The following GALNT9 variants were observed in gnomAD, a reference collection of about 807,000 sequenced individuals.
GALNT9 encodes GalNAc transferase 9.
A neutral mutation model predicts 63.1 loss-of-function variants in GALNT9; 47 were observed. That is an observed-to-expected ratio of 0.75 (90% CI 0.59 to 0.95). GALNT9 has a LOEUF of 0.95. Among genes scored for constraint, GALNT9 ranks in the 40% least tolerant of loss-of-function variants. The pLI is 0.00. For missense variants in GALNT9, 829 were observed against 874.8 expected, an observed-to-expected ratio of 0.95 and a Z score of 0.66; for synonymous variants, 396 against 365.7, an observed-to-expected ratio of 1.08 and a Z score of -0.94.
chr12:132,243,356 A>G (rs1238976966), intron 6 of GALNT9, among the ~76,000 whole-genome samples: 1 of 97,336 alleles, frequency 1.0e-5, no homozygotes, highest in African/African-American at 3.8e-5. Flanking sequence ...CAGGGCCCCC[A>G]GTGGCCTCAG....
chr12:132,319,659 G>A lies in GALNT9; in HGVS notation c.238+9307C>T, dbSNP rs987895228. Among the ~76,000 whole-genome samples, 1 of 152,106 alleles carries A rather than the reference G, an allele frequency of 6.6e-6. No homozygotes were observed. Among genetic ancestry groups the A allele is most frequent in the Non-Finnish European group, 1.5e-5 (1 of 68,008 alleles). On this transcript the variant is annotated intron_variant, in intron 1 of 10. Transcript: ENST00000328957. The surrounding 1 kb of genome is among the most constrained non-coding windows in gnomAD (Gnocchi z 5.2). The stretch of plus-strand genomic sequence containing the variant: ...ACTAGCTGAGTTTGCTTTTCAACAG[G>A]CCTTTCCGTCTGGGGCAGGTCAACA...
rs924949545 is a variant in GALNT9 at position 132,252,496 on chromosome 12, G to A, written c.960-4469C>T. Among the ~76,000 whole-genome samples, 1 of 152,222 alleles carries A rather than the reference G, an allele frequency of 6.6e-6. No homozygotes were observed. The highest frequency in any genetic ancestry group is 1.9e-4 in the East Asian group (1 of 5,198). On this transcript the variant is annotated intron_variant, in intron 5 of 10. Transcript: ENST00000328957. This position sits in a 1 kb window ranked among gnomAD's most constrained non-coding sequence, Gnocchi z 5.2. ...GGCTTAGCGGGTGTTCTCCCCGTGT[G>A]CAGAGACAAGAGATTGTCAGAAATA...
rs545111828 is a variant in GALNT9, at chr12:132,245,567, C to A, written c.1077+2343G>T. Among the ~76,000 whole-genome samples the A allele has an allele frequency of 6.0e-5, 9 of 150,662 alleles. No homozygotes were observed. The East Asian group carries it at 1.8e-3, about 29-fold the overall frequency. ...CCTGCTGACCCTCGCCCAGCCAGGG[C>A]CCTCCGTGGTCCGGCACCCACACCC... On this transcript the variant is annotated intron_variant, in intron 6 of 10. Coordinates refer to ENST00000328957, the MANE Select transcript of GALNT9 (RefSeq NM_001122636.2). This position sits in a 1 kb window ranked among gnomAD's most constrained non-coding sequence, Gnocchi z 6.3.
intron 1 of GALNT9, among the ~76,000 whole-genome samples, chr12:132,300,395 C>T (rs1881249607): frequency 7.5e-6 from 1 of 133,424 alleles, no homozygotes; most frequent in African/African-American, 2.8e-5. Context: ...AGATAACTCA[C>T]TCCCATAACT....
rs1170552577 is a variant in GALNT9 at position 132,236,693 on chromosome 12, G to GTT, written c.1077+11216_1077+11217insAA. Among the ~76,000 whole-genome samples, 4 of 152,196 alleles carry GTT rather than the reference G, an allele frequency of 2.6e-5. No homozygotes were observed. The East Asian group carries it at 5.8e-4, about 22-fold the overall frequency. ...CGAAGATCGCCCAGCCTCGCAAGGTGTAAGGTTTCGGGGCATCAAGCCTGG... is the reference window on the plus strand; with the variant it reads ...CGAAGATCGCCCAGCCTCGCAAGGTGTTTAAGGTTTCGGGGCATCAAGCCTGG... On this transcript the variant is annotated intron_variant, in intron 6 of 10. Coordinates refer to ENST00000328957, the MANE Select transcript of GALNT9 (RefSeq NM_001122636.2). The surrounding 1 kb of genome is among the most constrained non-coding windows in gnomAD (Gnocchi z 5.6).
At chr12:132,202,678 CGTTTCTAAGAT>C (rs1427104937) in intron 7 of GALNT9, among the ~76,000 whole-genome samples, 1 of 152,002 alleles carries the variant, frequency 6.6e-6, no homozygotes, top group Non-Finnish European at 1.5e-5. Flanking sequence ...CAGACAAGCC[CGTTTCTAAGAT>C]GAGCCCTCCC....
At chr12:132,290,596 G>A (rs1161148062) in intron 1 of GALNT9, among the ~76,000 whole-genome samples, 1 of 141,826 alleles carries the variant, frequency 7.1e-6, no homozygotes, top group Non-Finnish European at 1.5e-5. Context: ...CACATCCACA[G>A]CACCCACAAC....
In GALNT9 at chr12:132,240,869, G is replaced by A. The variant is rs2136899869; in HGVS notation, c.1077+7041C>T. On this transcript the variant is annotated intron_variant, in intron 6 of 10. Transcript: ENST00000328957. ...CACACCACACCCCCTTCCCAGGGCC[G>A]TCCCTATACCCATTACACACACACC... 15 of 263,560 alleles carry A rather than the reference G, an allele frequency of 5.7e-5. 1 individual carries two copies. In the East Asian group the frequency reaches 1.2e-3, roughly 21 times the overall value. The allele number at this position is 263,560 out of a possible 1,614,324, so 16.3% of individuals were successfully genotyped here.
intron 6 of GALNT9, among the ~76,000 whole-genome samples, chr12:132,213,050 AC>A (rs1877019905): frequency 7.6e-6 from 1 of 131,518 alleles, no homozygotes; most frequent in Non-Finnish European, 1.6e-5. Context: ...CGACACGGAA[AC>A]CCCACCCGGG....
At chr12:132,216,263 A>G (rs1176661730) in intron 6 of GALNT9, among the ~76,000 whole-genome samples, 1 of 152,230 alleles carries the variant, frequency 6.6e-6, no homozygotes, top group African/African-American at 2.4e-5. Context: ...AGATGAAGAC[A>G]CAGAGAAAGA....
chr12:132,243,195 CCCTTCCCGGGGCCCTCCCT>C (rs2135531614), intron 6 of GALNT9, among the ~76,000 whole-genome samples: 17 of 144,578 alleles, frequency 1.2e-4, no homozygotes, highest in Admixed American at 2.0e-4. Context: ...ACGCCACACA[CCCTTCCCGGGGCCCTCCCT>C]ATACCCATTA....
intron 6 of GALNT9, among the ~76,000 whole-genome samples, chr12:132,239,295 CAGAG>C (rs1198083285): frequency 1.5e-4 from 20 of 130,466 alleles, no homozygotes; most frequent in African/African-American, 4.7e-4. Context: ...CACAGAGAGA[CAGAG>C]AGAGACACAC....
At chr12:132,299,520 C>A (rs1178797783) in intron 1 of GALNT9, among the ~76,000 whole-genome samples, 1 of 136,918 alleles carries the variant, frequency 7.3e-6, no homozygotes, top group Non-Finnish European at 1.6e-5. Context: ...CTCACCCACT[C>A]CCACCACATC....
At chr12:132,222,484 C>T (rs1877487597) in intron 6 of GALNT9, among the ~76,000 whole-genome samples, 1 of 152,094 alleles carries the variant, frequency 6.6e-6, no homozygotes, top group Non-Finnish European at 1.5e-5. Context: ...AAAATGAAGC[C>T]AGACCAACAG....
chr12:132,207,590 C>G lies in GALNT9; in HGVS notation c.1078-3900G>C, dbSNP rs564060691. Among the ~76,000 whole-genome samples, 602 of 152,300 alleles carry G rather than the reference C, an allele frequency of 4.0e-3. 3 individuals are homozygous for G. The highest frequency in any genetic ancestry group is 0.014 in the African/African-American group (573 of 41,562). On this transcript the variant is annotated intron_variant, in intron 6 of 10. Coordinates refer to ENST00000328957, the MANE Select transcript of GALNT9 (RefSeq NM_001122636.2). ...TCAGGTCTCTCGGCCCTCGGGTCCC[C>G]CACCGTGTCTCTAGAAGGACCGAAG...
chr12:132,305,547 ACACCCTCACCGGGG>A (rs1555244557), intron 1 of GALNT9, among the ~76,000 whole-genome samples: 109 of 144,640 alleles, frequency 7.5e-4, no homozygotes, highest in African/African-American at 2.8e-3. Flanking sequence ...TCACCCGGGC[ACACCCTCACCGGGG>A]CACACCCTCA....
chr12:132,248,547 G>A (rs766714814), intron 5 of GALNT9, among the ~76,000 whole-genome samples: 16 of 152,216 alleles, frequency 1.1e-4, no homozygotes, highest in Non-Finnish European at 2.2e-4. Context: ...CCAAGTTCGA[G>A]TGAGTCACTT....
intron 6 of GALNT9, among the ~76,000 whole-genome samples, chr12:132,229,287 G>T (rs891333717): frequency 3.3e-5 from 5 of 152,288 alleles, no homozygotes; most frequent in African/African-American, 1.2e-4. Context: ...TCTCGCCCTG[G>T]GTCACCAGAG....
In GALNT9 at chr12:132,197,976, C is replaced by T. The variant is rs756960507; in HGVS notation, c.1498-17G>A. 5.6e-6 allele frequency: 9 copies of T among 1,594,252 alleles called. No individual in the cohort carries two copies. Among genetic ancestry groups the T allele is most frequent in the African/African-American group, 5.4e-5 (4 of 74,620 alleles). ...CCGCACCAGCTGGGGACAGGACCAC[C>T]GGGACTGTGTGTGAGCAGCGCCCAG... On this transcript the variant is annotated splice_polypyrimidine_tract_variant and intron_variant, in intron 9 of 10. Coordinates refer to ENST00000328957, the MANE Select transcript of GALNT9 (RefSeq NM_001122636.2).
Sources: gnomAD v4.1 joint callset for allele counts (sites outside exome capture counted in the v4.1 genomes callset) on GRCh38, gnomAD v4.1.1 for gene constraint, Gnocchi (gnomAD v3.1) non-coding constraint, MANE v1.5 for transcripts, NCBI Gene and HGNC (gene_info 2026-07-23, HGNC 2026-07-21) for gene names.